The following CYP2D6 variants were observed in gnomAD, a reference collection of about 807,000 sequenced individuals.
The protein encoded by CYP2D6 is cytochrome P450 2D6.
In CYP2D6, 51 loss-of-function variants were observed where a neutral mutation model predicts 43.5. The observed-to-expected ratio is 1.17, with a 90% CI of 0.94 to 1.48. CYP2D6 has a LOEUF of 1.48. Among genes scored for constraint, CYP2D6 ranks in the 40% most tolerant of loss-of-function variants. The probability of loss-of-function intolerance (pLI) is 0.00; values close to 1 mark genes in which losing one functional copy is unlikely to be tolerated. For missense variants in CYP2D6, 698 were observed against 688.0 expected (o/e 1.01, Z -0.16); for synonymous variants, 346 against 297.1 (o/e 1.16, Z -1.69).
At chr22:42,130,538 C>T in intron 1 of CYP2D6, 74 bp downstream of exon 1, 5 of 1,292,226 alleles carry the variant, frequency 3.9e-6, no homozygotes, top group Admixed American at 4.1e-5. Flanking sequence ...CCTGTGGTTT[C>T]ACCCACCATC....
In CYP2D6 at chr22:42,128,234, G is replaced by C; in HGVS notation, c.783C>G (p.Thr261=). The C allele has an allele frequency of 2.5e-6, 4 of 1,610,400 alleles. No homozygotes were observed. The highest frequency in any genetic ancestry group is 1.1e-5 in the South Asian group (1 of 90,836). Residue 261 remains threonine, a synonymous_variant, in exon 5 of 9, where the codon ACC becomes ACG. Coordinates refer to ENST00000645361, the MANE Select transcript of CYP2D6 (RefSeq NM_000106.6). The part of the protein sequence containing the change: ...LDELLTEHRM[T]WDPAQPPRDL... ...CTCGGGGGGGCTGGGCTGGGTCCCA[G>C]GTCATCCTGTGCTCAGTTAGCAGCT...
chr22:42,128,793 A>G lies in CYP2D6; in HGVS notation c.657T>C (p.Phe219=), dbSNP rs28371713. The G allele has an allele frequency of 1.8e-3, 2,907 of 1,596,346 alleles. 95 individuals are homozygous for G. The highest frequency in any genetic ancestry group is 7.5e-3 in the African/African-American group (544 of 72,136). Residue 219 remains phenylalanine, a synonymous_variant, in exon 4 of 9, where the codon TTT becomes TTC. Coordinates refer to ENST00000645361, the MANE Select transcript of CYP2D6 (RefSeq NM_000106.6). ...AQEGLKEESG[F]LREVLNAVPV... is the part of the protein sequence containing the mutation. ...GTCTCTCGCTCCGCACCTCGCGCAGAAAGCCCGACTCCTCCTTCAGTCCCT... is the reference window on the plus strand; with the variant it reads ...GTCTCTCGCTCCGCACCTCGCGCAGGAAGCCCGACTCCTCCTTCAGTCCCT...
In CYP2D6 at chr22:42,128,173, CCTT is replaced by C. The variant is rs5030656; in HGVS notation, c.841_843del (p.Lys281del). ...CCCCCCACCGTGGCAGCCACTCTCA[CCTT>C]CTCCATCTCTGCCAGGAAGGCCTCA... is the stretch of plus-strand genomic sequence containing the variant. On this transcript the variant is annotated inframe_deletion and splice_region_variant, in exon 5 of 9. Transcript: ENST00000645361. 0.025 allele frequency: 39,896 copies of C among 1,604,474 alleles called. 1,878 individuals are homozygous for C. Among genetic ancestry groups the C allele is most frequent in the Non-Finnish European group, 0.031 (36,019 of 1,175,048 alleles).
Position 42,126,695 on chromosome 22 carries a change from G to A in CYP2D6, c.1373C>T (p.Thr458Ile). ...LARMELFLFF[T>I]SLLQHFSFSV... is the part of the protein sequence containing the mutation. ...GAAGCTGAAGTGCTGCAGCAGGGAGGTGAAGAAGAGGAAGAGCTCCATGCG... is the reference window on the plus strand; with the variant it reads ...GAAGCTGAAGTGCTGCAGCAGGGAGATGAAGAAGAGGAAGAGCTCCATGCG... The change falls in exon 9 of 9, where the codon ACC (threonine) becomes ATC (isoleucine). Residue 458 changes from threonine (T) to isoleucine (I), a missense_variant. Transcript: ENST00000645361. 6.3e-7 allele frequency: 1 copy of A among 1,595,430 alleles called. No individual in the cohort carries two copies. The highest frequency in any genetic ancestry group is 8.5e-7 in the Non-Finnish European group (1 of 1,171,420).
intron 4 of CYP2D6, among the ~76,000 whole-genome samples, 198 bp from the exon 5 acceptor site, chr22:42,128,548 G>A (rs990769109): frequency 6.6e-6 from 1 of 150,756 alleles, no homozygotes; most frequent in African/African-American, 2.5e-5. Flanking sequence ...TCTCTGACGT[G>A]GATAGGAGGT....
intron 1 of CYP2D6, chr22:42,130,113 A>G (rs1931839897): frequency 3.4e-6 from 2 of 584,310 alleles, no homozygotes; most frequent in Non-Finnish European, 2.9e-6. Flanking sequence ...TCACCCAGGT[A>G]TGACCTTGCA....
chr22:42,126,660 T>C lies in CYP2D6; in HGVS notation c.1408A>G (p.Thr470Ala), dbSNP rs1135835. ...TGGTGGCTGGGCCGGGGCTGTCCAGTGGGCACCGAGAAGCTGAAGTGCTGC... is the reference window on the plus strand; with the variant it reads ...TGGTGGCTGGGCCGGGGCTGTCCAGCGGGCACCGAGAAGCTGAAGTGCTGC... ...LLQHFSFSVPTGQPRPSHHGV... is the reference protein window; with the variant it reads ...LLQHFSFSVPAGQPRPSHHGV... Residue 470 changes from threonine (T) to alanine (A), a missense_variant, in exon 9 of 9, where the codon ACT becomes GCT. Around this residue, in one of 5 missense-constraint regions of CYP2D6, gnomAD observed 85 missense variants for 81.2 expected, o/e 1.05. Coordinates refer to ENST00000645361, the MANE Select transcript of CYP2D6 (RefSeq NM_000106.6). 66 of 1,608,004 alleles carry C rather than the reference T, an allele frequency of 4.1e-5. 1 individual carries two copies. Among genetic ancestry groups the C allele is most frequent in the East Asian group, 2.7e-4 (12 of 44,568 alleles).
Position 42,129,178 on chromosome 22 carries a change from G to C in CYP2D6, c.360C>G (p.Phe120Leu), listed in dbSNP as rs61736507. 102 of 1,604,504 alleles carry C rather than the reference G, an allele frequency of 6.4e-5. 4 individuals are homozygous for C. The highest frequency in any genetic ancestry group is 8.0e-5 in the Non-Finnish European group (94 of 1,177,964). ...GCCACGCGGGCCCATAGCGCGCCAG[G>C]AACACCCCTGGGGGTGGGACGGGCA... ...LGFGPRSQGV[F>L]LARYGPAWRE... Residue 120 changes from phenylalanine (F) to leucine (L), a missense_variant, in exon 3 of 9, where the codon TTC (phenylalanine) becomes TTG (leucine). This residue lies in a region of CYP2D6 where 588 missense variants were observed against 521.1 expected (regional missense o/e 1.13). Transcript: ENST00000645361.
In CYP2D6 at chr22:42,127,619, T is replaced by G. The variant is rs72549348; in HGVS notation, c.1001A>C (p.Glu334Ala). ...HPDVQRRVQQEIDDVIGQVRR... is the reference protein window; with the variant it reads ...HPDVQRRVQQAIDDVIGQVRR... ...CACCTGCCCTATCACGTCGTCGATC[T>G]CCTGTTGGACACGGCCTGGACAGAC... The change falls in exon 7 of 9, where the codon GAG becomes GCG. Residue 334 changes from glutamate to alanine, a missense_variant. By Grantham distance (107) the Glu-to-Ala change is moderately radical. Transcript: ENST00000645361. 1.9e-6 allele frequency: 3 copies of G among 1,611,466 alleles called. No homozygotes were observed. The East Asian group carries it at 6.7e-5, about 36-fold the overall frequency.
chr22:42,129,414 G>C lies in CYP2D6; in HGVS notation c.353-229C>G, dbSNP rs143170489. Reference sequence around the variant, plus strand: ...CCTTTGCACTCAGGGAAGACCCCGCGGGCCCCGCGCCACCCACACTGAGCT... The same window carrying C: ...CCTTTGCACTCAGGGAAGACCCCGCCGGCCCCGCGCCACCCACACTGAGCT... On this transcript the variant is annotated intron_variant, in intron 2 of 8. Coordinates refer to ENST00000645361, the MANE Select transcript of CYP2D6 (RefSeq NM_000106.6). 2.6e-3 allele frequency: 2,006 copies of C among 782,160 alleles called. 55 individuals carry two copies. Among genetic ancestry groups the C allele is most frequent in the Non-Finnish European group, 3.6e-3 (1,669 of 458,778 alleles). The allele number at this position is 782,160 out of a possible 1,614,324, so 48.5% of individuals were successfully genotyped here. A position where few individuals can be genotyped will look rare whatever the true frequency, so the allele number is the denominator to read the frequency against.
At position 42,130,793 on chromosome 22, in the gene CYP2D6, C is replaced by T. The variant is rs369385518; in HGVS notation, c.-2G>A. 2 of 1,563,996 alleles carry T rather than the reference C, an allele frequency of 1.3e-6. No individual in the cohort carries two copies. The highest frequency in any genetic ancestry group is 1.2e-5 in the South Asian group (1 of 85,144). ...GGGCACCAGTGCTTCTAGCCCCATA[C>T]CTGCCTCACTACCAAATGGGCTCCT... On this transcript the variant is annotated 5_prime_UTR_variant, in exon 1 of 9. Transcript: ENST00000645361.
intron 3 of CYP2D6, 22 bp from the exon 4 acceptor site, chr22:42,128,966 A>T (rs1413594976): frequency 6.3e-7 from 1 of 1,582,674 alleles, no homozygotes. Context: ...AGATGCGGGT[A>T]AGGGGTCGCC....
At position 42,130,699 on chromosome 22, in the gene CYP2D6, TG is replaced by T. The variant is rs1360158288; in HGVS notation, c.92del (p.Ala31AspfsTer62). ...DLMHRRQRWA[A>X]RYPPGPLPLP... The stretch of plus-strand genomic sequence containing the variant: ...GTGGCAGGGGGCCTGGTGGGTAGCG[TG>T]CAGCCCAGCGTTGGCGCCGGTGCAT... On this transcript the variant is annotated frameshift_variant, in exon 1 of 9. Transcript: ENST00000645361. LOFTEE classifies it high-confidence loss of function. 3.1e-6 allele frequency: 5 copies of T among 1,606,282 alleles called. 1 individual carries two copies. The highest frequency in any genetic ancestry group is 3.4e-5 in the Admixed American group (2 of 59,356).
chr22:42,129,501 C>G, intron 2 of CYP2D6: 1 of 721,884 alleles, frequency 1.4e-6, no homozygotes. Context: ...GGAAATGCGC[C>G]AGCCTCACCC....
At chr22:42,130,055 G>C in intron 1 of CYP2D6, 146 bp from the exon 2 acceptor site, 1 of 820,548 alleles carries the variant, frequency 1.2e-6, no homozygotes, top group Non-Finnish European at 1.9e-6. Context: ...TCGTGGGGCG[G>C]GGGTGGGGGT....
At position 42,128,445 on chromosome 22, in the gene CYP2D6, C is replaced by G. The variant is rs1308308241; in HGVS notation, c.667-95G>C. On this transcript the variant is annotated intron_variant, in intron 4 of 8. Coordinates refer to ENST00000645361, the MANE Select transcript of CYP2D6 (RefSeq NM_000106.6). ...AGCCATCTCCAGGTAGACCCAGGGC[C>G]TGCCTGTCCTTACCACTGACCTCAC... is the stretch of plus-strand genomic sequence containing the variant. 3.6e-5 allele frequency: 51 copies of G among 1,419,010 alleles called. 1 individual carries two copies. The highest frequency in any genetic ancestry group is 4.8e-5 in the Non-Finnish European group (48 of 1,009,896). 87.9% of individuals were successfully genotyped at this position (1,419,010 alleles called of 1,614,324 possible). A position where few individuals can be genotyped will look rare whatever the true frequency, so the allele number is the denominator to read the frequency against.
intron 8 of CYP2D6, 23 bp from the exon 9 acceptor site, chr22:42,126,775 A>G: frequency 1.3e-6 from 2 of 1,546,020 alleles, no homozygotes; most frequent in Non-Finnish European, 1.7e-6. Context: ...GAGGGGCGTC[A>G]GTGAGCCTGG....
chr22:42,130,048 T>TGGGGCG lies in CYP2D6; in HGVS notation c.181-145_181-140dup, dbSNP rs1180816202. 36 of 698,476 alleles carry TGGGGCG rather than the reference T, an allele frequency of 5.2e-5. 1 individual carries two copies. Among genetic ancestry groups the TGGGGCG allele is most frequent in the Non-Finnish European group, 6.7e-5 (31 of 464,000 alleles). The allele number at this position is 698,476 out of a possible 1,614,324, so 43.3% of individuals were successfully genotyped here. Reference sequence around the variant, plus strand: ...AGGAGGAGACCCAGCCTCCTGATCGTGGGGCGGGGGTGGGGGTCACACCTT... The same window carrying TGGGGCG: ...AGGAGGAGACCCAGCCTCCTGATCGTGGGGCGGGGGCGGGGGTGGGGGTCACACCTT... On this transcript the variant is annotated intron_variant, in intron 1 of 8. Coordinates refer to ENST00000645361, the MANE Select transcript of CYP2D6 (RefSeq NM_000106.6).
chr22:42,129,491 G>C, intron 2 of CYP2D6: 4 of 721,810 alleles, frequency 5.5e-6, no homozygotes, highest in Middle Eastern at 2.3e-4. Context: ...ATTCCAGCTG[G>C]GAAATGCGCC....
Sources: gnomAD v4.1 joint callset for allele counts (sites outside exome capture counted in the v4.1 genomes callset) on GRCh38, gnomAD v4.1.1 for gene constraint, gnomAD v4.1.1 regional missense constraint, MANE v1.5 for transcripts, NCBI Gene and HGNC (gene_info 2026-07-23, HGNC 2026-07-21) for gene names.